The following ZNF420 variants were observed in gnomAD, a reference collection of about 807,000 sequenced individuals.
ZNF420 encodes the protein ATM and p53-associated KZNF protein.
In ZNF420, 31 loss-of-function variants were observed where a neutral mutation model predicts 44.7. That is an observed-to-expected ratio of 0.69 (90% CI 0.52 to 0.94). The LOEUF (loss-of-function observed/expected upper bound fraction) is 0.94, where lower values mean the gene tolerates loss of function less well. Ranked by LOEUF, ZNF420 falls within the 40% of genes least tolerant of loss-of-function variation. The pLI is 0.00. For synonymous variants in ZNF420, 245 were observed against 267.4 expected, an observed-to-expected ratio of 0.92 and a Z score of 0.82; for missense variants, 681 against 827.9, an observed-to-expected ratio of 0.82 and a Z score of 2.18.
upstream of ZNF420, among the ~76,000 whole-genome samples, chr19:37,075,623 T>G (rs1968132171): frequency 6.6e-6 from 1 of 152,000 alleles, no homozygotes. Flanking sequence ...GCGCCTGTAA[T>G]CCCAGCTACT....
At chr19:37,026,910 T>C (rs1967170933) in intron 1 of ZNF420, among the ~76,000 whole-genome samples, 1 of 152,194 alleles carries the variant, frequency 6.6e-6, no homozygotes, top group Non-Finnish European at 1.5e-5. Context: ...AAAATAAAAA[T>C]TAGCCGTTCA....
chr19:37,058,401 T>C (rs1967797644), intron 1 of ZNF420, among the ~76,000 whole-genome samples: 1 of 152,088 alleles, frequency 6.6e-6, no homozygotes, highest in South Asian at 2.1e-4. Flanking sequence ...CCTGTCTTAT[T>C]ATTGAGAGAC....
chr19:37,066,068 C>T (rs187014939), intron 1 of ZNF420, among the ~76,000 whole-genome samples: 23 of 152,248 alleles, frequency 1.5e-4, no homozygotes, highest in African/African-American at 5.3e-4. Flanking sequence ...AGCAAAACTG[C>T]AAAAGAAAAA....
chr19:37,037,420 A>G lies in ZNF420; in HGVS notation c.-125+29338A>G, dbSNP rs150257190. 6.9e-3 allele frequency among the ~76,000 whole-genome samples: 1,052 copies of G among 152,356 alleles called. 11 individuals carry two copies. Among genetic ancestry groups the G allele is most frequent in the African/African-American group, 0.024 (992 of 41,584 alleles). ...CATCTTTCACTCAGTCTCAGCCACCATGGGGAGTTCCATGGAAGCGCAGGC... is the reference window on the plus strand; with the variant it reads ...CATCTTTCACTCAGTCTCAGCCACCGTGGGGAGTTCCATGGAAGCGCAGGC... On this transcript the variant is annotated intron_variant, in intron 1 of 4. Coordinates refer to the ZNF420 transcript ENST00000587029.
intron 1 of ZNF420, among the ~76,000 whole-genome samples, chr19:37,057,504 T>C (rs1243592893): frequency 6.6e-6 from 1 of 152,006 alleles, no homozygotes. Context: ...CTCTCTCTCT[T>C]TCTCTGTGTG....
intron 1 of ZNF420, among the ~76,000 whole-genome samples, chr19:37,059,193 G>C (rs1967818691): frequency 6.6e-6 from 1 of 152,194 alleles, no homozygotes. Context: ...CTGGGGGTTT[G>C]GCCCTGGGAC....
chr19:37,028,353 A>G (rs1461601029), intron 1 of ZNF420, among the ~76,000 whole-genome samples: 1 of 152,196 alleles, frequency 6.6e-6, no homozygotes, highest in African/African-American at 2.4e-5. Context: ...AATGTGGTCT[A>G]CCTGAGTTTT....
intron 1 of ZNF420, among the ~76,000 whole-genome samples, chr19:37,064,933 G>C (rs1224574446): frequency 6.6e-6 from 1 of 152,160 alleles, no homozygotes; most frequent in Admixed American, 6.5e-5. Context: ...CGGACCCAGG[G>C]GGCCATCACA....
At chr19:37,075,717 G>A (rs113285879), upstream of ZNF420, among the ~76,000 whole-genome samples, 2,006 of 152,108 alleles carry the variant, frequency 0.013, 47 homozygotes, top group African/African-American at 0.045. Context: ...ACTCCAGCCC[G>A]GGCGACAGAG....
rs750810579 is a variant in ZNF420, at chr19:37,127,924, A to G, written c.933A>G (p.Glu311=). The G allele has an allele frequency of 5.6e-6, 9 of 1,614,024 alleles. No homozygotes were observed. The highest frequency in any genetic ancestry group is 1.6e-4 in the Middle Eastern group (1 of 6,084). ...GTGAGAAACCCTATGAATGTAAGGA[A>G]TGTGGAAAAGCTTTTATTTGTGGCT... ...HTGEKPYECK[E]CGKAFICGSQ... The change falls in exon 5 of 5, where the codon GAA becomes GAG. Residue 311 remains glutamate (E), a synonymous_variant. Transcript: ENST00000337995.
chr19:37,084,437 A>G (rs747406609), intron 2 of ZNF420, among the ~76,000 whole-genome samples: 23 of 152,122 alleles, frequency 1.5e-4, no homozygotes, highest in Non-Finnish European at 2.6e-4. Context: ...GATTGGTAAT[A>G]CTTTATAACT....
intron 1 of ZNF420, among the ~76,000 whole-genome samples, chr19:37,017,135 G>A (rs950969210): frequency 6.6e-6 from 1 of 152,156 alleles, no homozygotes; most frequent in African/African-American, 2.4e-5. Context: ...CCACAGATCT[G>A]TAGCCATTCT....
chr19:37,033,654 A>G (rs1457165129), intron 1 of ZNF420, among the ~76,000 whole-genome samples: 1 of 152,366 alleles, frequency 6.6e-6, no homozygotes, highest in East Asian at 1.9e-4. Context: ...TGCTATACAC[A>G]TGAATTTGCA....
intron 1 of ZNF420, among the ~76,000 whole-genome samples, chr19:37,063,442 C>T (rs781313520): frequency 3.3e-5 from 5 of 152,140 alleles, no homozygotes; most frequent in Non-Finnish European, 7.3e-5. Flanking sequence ...AGTCGCAAAA[C>T]ATGTTTTTCC....
At chr19:37,009,344 T>TA (rs2074551061) in intron 1 of ZNF420, among the ~76,000 whole-genome samples, 2 of 152,154 alleles carry the variant, frequency 1.3e-5, no homozygotes, top group African/African-American at 2.4e-5. Flanking sequence ...GGCTTGGACT[T>TA]ACGCACAGGG....
chr19:37,119,759 CA>C (rs1970917348), intron 4 of ZNF420, among the ~76,000 whole-genome samples: 1 of 151,990 alleles, frequency 6.6e-6, no homozygotes, highest in South Asian at 2.1e-4. Flanking sequence ...AGAGAAGAAT[CA>C]AATAGATGCA....
rs561740214 is a variant in ZNF420, at chr19:37,016,284, C to T, written c.-125+8202C>T. On this transcript the variant is annotated intron_variant, in intron 1 of 4. Coordinates refer to the ZNF420 transcript ENST00000587029. ...TTTCTCTATTCCTGACTGGAACTGC[C>T]TCTCAGCACGGAACCATTGGCTGTT... Among the ~76,000 whole-genome samples the T allele has an allele frequency of 6.6e-5, 10 of 152,308 alleles. No individual in the cohort carries two copies. The South Asian group carries it at 2.1e-3, about 32-fold the overall frequency.
At chr19:37,080,979 C>T (rs991556933) in intron 2 of ZNF420, among the ~76,000 whole-genome samples, 1 of 150,888 alleles carries the variant, frequency 6.6e-6, no homozygotes, top group Non-Finnish European at 1.5e-5. Context: ...ATGGCGTGAA[C>T]CTGGGAGGCA....
At chr19:37,119,794 C>G (rs1297630176) in intron 4 of ZNF420, among the ~76,000 whole-genome samples, 1 of 152,074 alleles carries the variant, frequency 6.6e-6, no homozygotes, top group East Asian at 1.9e-4. Context: ...AAGGGGATAT[C>G]ACCACCAATC....
Sources: allele counts gnomAD v4.1 joint callset (sites outside exome capture counted in the v4.1 genomes callset), GRCh38; gene constraint gnomAD v4.1.1; transcripts MANE v1.5; gene names NCBI Gene and HGNC (gene_info 2026-07-23, HGNC 2026-07-21).